Variants in TUBGCP5 observed in about 807,000 individuals in gnomAD.
TUBGCP5 encodes the protein gamma-tubulin complex component 5.
A neutral mutation model predicts 134.7 loss-of-function variants in TUBGCP5; 98 were observed. That is an observed-to-expected ratio of 0.73 (90% CI 0.62 to 0.86). The LOEUF is 0.86. Among genes scored for constraint, TUBGCP5 ranks in the 40% least tolerant of loss-of-function variants. The pLI is 0.00. For synonymous variants in TUBGCP5, 456 were observed against 431.4 expected (o/e 1.06, Z -0.71); for missense variants, 1,150 against 1,244.8 (o/e 0.92, Z 1.15).
At chr15:23,017,412 CACTA>C (rs1471805177) in intron 13 of TUBGCP5, among the ~76,000 whole-genome samples, 4 of 152,164 alleles carry the variant, frequency 2.6e-5, no homozygotes, top group Admixed American at 2.0e-4. Flanking sequence ...ATCAAAACAT[CACTA>C]TGTACCCCAT....
intron 22 of TUBGCP5, 75 bp downstream of exon 22, chr15:23,000,494 G>A: frequency 1.9e-6 from 3 of 1,564,654 alleles, no homozygotes; most frequent in Non-Finnish European, 2.6e-6. Flanking sequence ...CATGGGATCA[G>A]TAACAAAACA....
In TUBGCP5 at chr15:23,029,244, A is replaced by G. The variant is rs202076553; in HGVS notation, c.622+1641T>C. ...TTTATTTATTTATTTTTTTTGAGATAAAGTTTTGCTCTTGTTGCCCAGGCT... is the reference window on the plus strand; with the variant it reads ...TTTATTTATTTATTTTTTTTGAGATGAAGTTTTGCTCTTGTTGCCCAGGCT... On this transcript the variant is annotated intron_variant, in intron 6 of 22. Coordinates refer to ENST00000615383, the MANE Select transcript of TUBGCP5 (RefSeq NM_052903.6). Among the ~76,000 whole-genome samples, 10 of 152,204 alleles carry G rather than the reference A, an allele frequency of 6.6e-5. No homozygotes were observed. In the East Asian group the frequency reaches 7.7e-4, roughly 12 times the overall value.
rs1211346587 is a variant in TUBGCP5, at chr15:23,013,371, A to T, written c.1757-2040T>A. 1.3e-5 allele frequency among the ~76,000 whole-genome samples: 2 copies of T among 150,926 alleles called. No individual in the cohort carries two copies. The highest frequency in any genetic ancestry group is 3.0e-5 in the Non-Finnish European group (2 of 67,746). On this transcript the variant is annotated intron_variant, in intron 13 of 22. Transcript: ENST00000615383. The surrounding 1 kb of genome is among the most constrained non-coding windows in gnomAD (Gnocchi z 4.5). The stretch of plus-strand genomic sequence containing the variant: ...GGGAGGCTGAGGCAGGAGAGAACCC[A>T]GGAGGCGAAGTTCGCAGTGAGCCGA...
Position 23,026,150 on chromosome 15 carries a change from C to T in TUBGCP5, c.793G>A (p.Val265Ile), listed in dbSNP as rs753009262. The change falls in exon 8 of 23, where the codon GTT (valine) becomes ATT (isoleucine). Residue 265 changes from valine to isoleucine, a missense_variant. This residue lies in a region of TUBGCP5 where 453 missense variants were observed against 394.7 expected (regional missense o/e 1.15). Coordinates refer to ENST00000615383, the MANE Select transcript of TUBGCP5 (RefSeq NM_052903.6). ...TCCCGAATAACCTGAGTCTCAGTAA[C>T]CAAAACCCTGTCATCTGGAACATAC... ...PLYVPDDRVL[V>I]TETQVIRETL... 2 of 1,610,688 alleles carry T rather than the reference C, an allele frequency of 1.2e-6. No individual in the cohort carries two copies. The highest frequency in any genetic ancestry group is 1.3e-5 in the African/African-American group (1 of 74,820).
At chr15:22,996,818 A>C (rs1484993239), downstream of TUBGCP5, 1 of 151,946 alleles carries the variant, frequency 6.6e-6, no homozygotes, top group Non-Finnish European at 1.5e-5. Flanking sequence ...AAAACACAAA[A>C]GATTAGCCGC....
Position 23,032,712 on chromosome 15 carries a change from G to A in TUBGCP5, c.406+16C>T. On this transcript the variant is annotated intron_variant, in intron 4 of 22. Coordinates refer to ENST00000615383, the MANE Select transcript of TUBGCP5 (RefSeq NM_052903.6). ...TCTCTTTTACTTCTCATATGTTAAG[G>A]AATCTAGTAACATACCCACTTCTTT... The A allele has an allele frequency of 6.7e-7, 1 of 1,494,200 alleles. No homozygotes were observed. Among genetic ancestry groups the A allele is most frequent in the Non-Finnish European group, 9.0e-7 (1 of 1,109,896 alleles). The allele number at this position is 1,494,200 out of a possible 1,614,324, so 92.6% of individuals were successfully genotyped here. A position where few individuals can be genotyped will look rare whatever the true frequency, so the allele number is the denominator to read the frequency against.
At chr15:22,984,568 T>C (rs561075574) in intron 23 of TUBGCP5, among the ~76,000 whole-genome samples, 1 of 152,054 alleles carries the variant, frequency 6.6e-6, no homozygotes, top group South Asian at 2.1e-4. Context: ...TGCAGTGAGC[T>C]GAGATCATGC....
At chr15:23,032,922 T>A in intron 3 of TUBGCP5, 98 bp from the exon 4 acceptor site, 1 of 868,588 alleles carries the variant, frequency 1.2e-6, no homozygotes, top group Non-Finnish European at 1.7e-6. Context: ...TGTCCCCAAT[T>A]TTTTTCCTGG....
chr15:22,994,849 T>TCA (rs2063996349), downstream of TUBGCP5, among the ~76,000 whole-genome samples: 1 of 152,276 alleles, frequency 6.6e-6, no homozygotes, highest in Admixed American at 6.5e-5. Flanking sequence ...GCACGGTGGC[T>TCA]CACGCCTGTA....
chr15:23,030,546 T>A (rs920099961), intron 6 of TUBGCP5, among the ~76,000 whole-genome samples: 2 of 148,744 alleles, frequency 1.3e-5, no homozygotes, highest in Non-Finnish European at 3.0e-5. Flanking sequence ...TCTCGCTCTG[T>A]TGCCAGAGCT....
downstream of TUBGCP5, among the ~76,000 whole-genome samples, chr15:22,995,703 G>C (rs1246800103): frequency 6.6e-6 from 1 of 152,016 alleles, no homozygotes; most frequent in African/African-American, 2.4e-5. Flanking sequence ...AATTCAATGA[G>C]TTTTGTCACA....
intron 11 of TUBGCP5, 112 bp downstream of exon 11, chr15:23,021,846 GA>G (rs1296937618): frequency 2.6e-6 from 3 of 1,168,408 alleles, no homozygotes; most frequent in Non-Finnish European, 3.7e-6. Context: ...TAAAAACTCT[GA>G]ACTGTCTGAC....
chr15:22,990,901 C>G (rs2063825577), intron 23 of TUBGCP5, among the ~76,000 whole-genome samples: 1 of 152,272 alleles, frequency 6.6e-6, no homozygotes, highest in Admixed American at 6.5e-5. Flanking sequence ...CACACAGCCA[C>G]AGTCATAGAA....
intron 15 of TUBGCP5, 113 bp downstream of exon 15, chr15:23,009,832 T>G: frequency 1.2e-6 from 1 of 849,168 alleles, no homozygotes; most frequent in South Asian, 2.5e-5. Flanking sequence ...AATTGTTTAC[T>G]GTATATCCAT....
rs370737876 is a variant in TUBGCP5 at position 23,011,319 on chromosome 15, T to C, written c.1769A>G (p.Lys590Arg). 6.2e-7 allele frequency: 1 copy of C among 1,610,020 alleles called. No individual in the cohort carries two copies. The highest frequency in any genetic ancestry group is 2.2e-5 in the East Asian group (1 of 44,816). Residue 590 changes from lysine (K) to arginine (R), a missense_variant, in exon 14 of 23, where the codon AAA becomes AGA. Transcript: ENST00000615383. ...TTCCAGAAAGAGAGTGTATAAACTT[T>C]TTCTTTCTGCATCTGAAACATAAAG... ...CQAGARDAER[K>R]SLYTLFLESV...
At chr15:23,023,684 G>A in intron 10 of TUBGCP5, 1 of 336,068 alleles carries the variant, frequency 3.0e-6, no homozygotes, top group South Asian at 3.5e-5. Context: ...GGACCTGGCT[G>A]TCTCTGGAGA....
At position 23,008,844 on chromosome 15, in the gene TUBGCP5, A is replaced by C. The variant is rs750684165; in HGVS notation, c.2182T>G (p.Leu728Val). Residue 728 changes from leucine (L) to valine (V), a missense_variant, in exon 16 of 23, where the codon TTA (leucine) becomes GTA (valine). Around this residue, in one of 2 missense-constraint regions of TUBGCP5, gnomAD observed 697 missense variants for 850.1 expected, o/e 0.82. Transcript: ENST00000615383. Reference protein sequence around the residue: ...EYLQAMRNFFLMEGGDTMYDF... With the variant: ...EYLQAMRNFFVMEGGDTMYDF... ...TACATGGTATCTCCTCCTTCCATTAAGAAAAAATTCCTCATAGCTTGCAAG... is the reference window on the plus strand; with the variant it reads ...TACATGGTATCTCCTCCTTCCATTACGAAAAAATTCCTCATAGCTTGCAAG... 1.9e-6 allele frequency: 3 copies of C among 1,580,188 alleles called. No homozygotes were observed. The South Asian group carries it at 3.5e-5, about 19-fold the overall frequency.
intron 6 of TUBGCP5, among the ~76,000 whole-genome samples, chr15:23,029,472 C>T (rs886237116): frequency 3.3e-5 from 5 of 152,172 alleles, no homozygotes; most frequent in African/African-American, 9.7e-5. Context: ...CCACCCAGCT[C>T]GGCCTCCCAA....
At chr15:23,024,661 G>A in intron 9 of TUBGCP5, 76 bp downstream of exon 9, 1 of 815,046 alleles carries the variant, frequency 1.2e-6, no homozygotes. Context: ...TTTTAATATT[G>A]TAAAATGTTC....
Sources: allele counts gnomAD v4.1 joint callset (sites outside exome capture counted in the v4.1 genomes callset), GRCh38; gene constraint gnomAD v4.1.1; regional missense constraint gnomAD v4.1.1; non-coding constraint Gnocchi (gnomAD v3.1); transcripts MANE v1.5; gene names NCBI Gene and HGNC (gene_info 2026-07-23, HGNC 2026-07-21).